The following ZNF365 variants were observed in gnomAD, a reference collection of about 807,000 sequenced individuals.
ZNF365 encodes the protein zinc finger protein 365, also known as protein ZNF365.
In ZNF365, 22 loss-of-function variants were observed where a neutral mutation model predicts 35.0. That is an observed-to-expected ratio of 0.63 (90% CI 0.45 to 0.90). The LOEUF (loss-of-function observed/expected upper bound fraction) is 0.90, where lower values mean the gene tolerates loss of function less well. Among genes scored for constraint, ZNF365 ranks in the 40% least tolerant of loss-of-function variants. The probability of loss-of-function intolerance (pLI) is 0.00; values close to 1 mark genes in which losing one functional copy is unlikely to be tolerated. For missense variants in ZNF365, 448 were observed against 500.3 expected (o/e 0.90, Z 1.00); for synonymous variants, 188 against 196.2 (o/e 0.96, Z 0.35).
At chr10:62,459,672 C>A in intron 3 of ZNF365, 1 of 1,507,888 alleles carries the variant, frequency 6.6e-7, no homozygotes. Flanking sequence ...TGCTTGTAGT[C>A]TTGCTGTGAC....
intron 4 of ZNF365, among the ~76,000 whole-genome samples, chr10:62,468,312 T>C (rs992224009): frequency 1.3e-5 from 2 of 152,232 alleles, no homozygotes; most frequent in Non-Finnish European, 2.9e-5. Context: ...TATGTATGTA[T>C]TATGAATATA....
chr10:62,378,741 T>C (rs1022901630), intron 2 of ZNF365, among the ~76,000 whole-genome samples: 3 of 152,214 alleles, frequency 2.0e-5, no homozygotes, highest in African/African-American at 7.2e-5. Flanking sequence ...AATGAAATTG[T>C]GACACATACT....
At chr10:62,433,967 A>T (rs762943904) in intron 3 of ZNF365, among the ~76,000 whole-genome samples, 1 of 152,104 alleles carries the variant, frequency 6.6e-6, no homozygotes, top group Non-Finnish European at 1.5e-5. Context: ...TGTGACCCAG[A>T]TGTACTTTCA....
chr10:62,447,764 A>G (rs1041950962), intron 3 of ZNF365, among the ~76,000 whole-genome samples: 1 of 152,032 alleles, frequency 6.6e-6, no homozygotes, highest in Admixed American at 6.6e-5. Context: ...CTCCTCTAAC[A>G]TGTGTCCTGA....
At chr10:62,415,629 G>T (rs762748673) in intron 3 of ZNF365, among the ~76,000 whole-genome samples, 2 of 152,096 alleles carry the variant, frequency 1.3e-5, no homozygotes, top group Non-Finnish European at 2.9e-5. Flanking sequence ...TACATGAAAA[G>T]CATGCTACTT....
At chr10:62,409,083 G>T (rs776604846) in intron 3 of ZNF365, among the ~76,000 whole-genome samples, 5 of 152,112 alleles carry the variant, frequency 3.3e-5, no homozygotes, top group African/African-American at 4.8e-5. Context: ...AATGCCACAT[G>T]CTCATTTTCC....
chr10:62,430,338 G>A (rs1206894539), intron 3 of ZNF365, among the ~76,000 whole-genome samples: 1 of 132,524 alleles, frequency 7.5e-6, no homozygotes, highest in Non-Finnish European at 1.6e-5. Context: ...CCGCCACCAC[G>A]CCCGGCTAAT....
chr10:62,454,187 G>T (rs1038922257), intron 3 of ZNF365, among the ~76,000 whole-genome samples: 6 of 152,094 alleles, frequency 3.9e-5, no homozygotes, highest in Admixed American at 1.3e-4. Context: ...TTAGCTATTG[G>T]TAGATAAGCA....
intron 2 of ZNF365, among the ~76,000 whole-genome samples, chr10:62,377,567 G>A (rs1839357643): frequency 8.3e-6 from 1 of 121,140 alleles, no homozygotes; most frequent in African/African-American, 3.6e-5. Context: ...GGCAAATGAT[G>A]TATTTTTTTT....
intron 3 of ZNF365, among the ~76,000 whole-genome samples, chr10:62,458,615 GA>G (rs1276767388): frequency 6.6e-6 from 1 of 151,978 alleles, no homozygotes; most frequent in Non-Finnish European, 1.5e-5. Flanking sequence ...TGGCTTAATT[GA>G]ATACCCTTCT....
intron 3 of ZNF365, among the ~76,000 whole-genome samples, chr10:62,454,632 T>G (rs1262920168): frequency 1.4e-5 from 2 of 139,624 alleles, no homozygotes; most frequent in East Asian, 2.0e-4. Context: ...GTGCTTCATG[T>G]TTTTTTTTCT....
chr10:62,434,301 TG>T (rs542263291), intron 3 of ZNF365, among the ~76,000 whole-genome samples: 135 of 152,196 alleles, frequency 8.9e-4, no homozygotes, highest in Non-Finnish European at 1.6e-3. Flanking sequence ...CCCTGTAAAT[TG>T]GAGAAACAAC....
In ZNF365 at chr10:62,394,864, G is replaced by A. The variant is rs577994061; in HGVS notation, c.925-3876G>A. Among the ~76,000 whole-genome samples the A allele has an allele frequency of 2.6e-5, 4 of 152,206 alleles. No individual in the cohort carries two copies. The South Asian group carries it at 8.3e-4, about 32-fold the overall frequency. ...TGAGAAAAAGAGGGAAGAGAAGAGA[G>A]GGAGGGAACTAAGGTGGTTATAAGA... is the stretch of plus-strand genomic sequence containing the variant. On this transcript the variant is annotated intron_variant, in intron 3 of 4. Transcript: ENST00000395254.
chr10:62,466,628 G>A (rs1392917226), intron 4 of ZNF365, among the ~76,000 whole-genome samples: 1 of 152,168 alleles, frequency 6.6e-6, no homozygotes, highest in Admixed American at 6.5e-5. Context: ...TGCATTTGGT[G>A]CAAGGTCTCT....
In ZNF365 at chr10:62,471,095, C is replaced by T. The variant is rs13376846; in HGVS notation, c.982-8781C>T. Among the ~76,000 whole-genome samples the T allele has an allele frequency of 6.6e-3, 1,000 of 151,956 alleles. 39 individuals are homozygous for T. Among genetic ancestry groups the T allele is most frequent in the Admixed American group, 0.058 (881 of 15,270 alleles). On this transcript the variant is annotated intron_variant, in intron 4 of 4. Transcript: ENST00000395255. ...CAAATAGGTAATCTAGGCCGGGTGC[C>T]GTGGCTCACTCCTGTAAGCCCAGCA...
chr10:62,449,069 T>G (rs1462431520), intron 3 of ZNF365, among the ~76,000 whole-genome samples: 1 of 152,108 alleles, frequency 6.6e-6, no homozygotes, highest in Non-Finnish European at 1.5e-5. Context: ...AATCCATGTG[T>G]GAGAGAAGGG....
intron 3 of ZNF365, among the ~76,000 whole-genome samples, chr10:62,442,641 C>A (rs1161091773): frequency 6.6e-6 from 1 of 152,188 alleles, no homozygotes; most frequent in Non-Finnish European, 1.5e-5. Context: ...TTTGCCTGCA[C>A]CTAGCAGAAA....
At position 62,400,682 on chromosome 10, in the gene ZNF365, G is replaced by A. The variant is rs144307704; in HGVS notation, c.*893G>A. The A allele has an allele frequency of 6.5e-4, 642 of 985,640 alleles. 4 individuals are homozygous for A. The African/African-American group carries it at 0.01, about 15-fold the overall frequency. The allele number at this position is 985,640 out of a possible 1,614,324, so 61.1% of individuals were successfully genotyped here. Reference sequence around the variant, plus strand: ...CCATCCTGGAAGCACTGCGGGTGTCGCCAAGCCCTTTCCTAAGACCTGCTT... The same window carrying A: ...CCATCCTGGAAGCACTGCGGGTGTCACCAAGCCCTTTCCTAAGACCTGCTT... On this transcript the variant is annotated 3_prime_UTR_variant, in exon 5 of 5. Transcript: ENST00000395254.
chr10:62,457,969 C>T (rs749458002), intron 3 of ZNF365, among the ~76,000 whole-genome samples: 5 of 152,190 alleles, frequency 3.3e-5, no homozygotes, highest in Middle Eastern at 3.2e-3. Flanking sequence ...TACCATACAA[C>T]AAGCCTTAGC....
Sources: allele counts gnomAD v4.1 joint callset (sites outside exome capture counted in the v4.1 genomes callset), GRCh38; gene constraint gnomAD v4.1.1; transcripts MANE v1.5; gene names NCBI Gene and HGNC (gene_info 2026-07-23, HGNC 2026-07-21).